MCF2L2: variants seen among roughly 807,000 people sequenced by gnomAD.
MCF2L2 encodes MCF.2 cell line derived transforming sequence-like 2, also known as probable guanine nucleotide exchange factor MCF2L2.
A neutral mutation model predicts 150.2 loss-of-function variants in MCF2L2; 102 were observed. The ratio of observed to expected loss-of-function variants is 0.68; its 90% confidence interval spans 0.58 to 0.80. MCF2L2 has a LOEUF of 0.80. MCF2L2 is among the 30% of genes least tolerant of loss of function. The pLI is 0.00. For synonymous variants in MCF2L2, 465 were observed against 491.3 expected (o/e 0.95, Z 0.71); for missense variants, 1,256 against 1,372.8 (o/e 0.91, Z 1.34).
At chr3:183,243,315 C>G (rs905597880) in intron 15 of MCF2L2, among the ~76,000 whole-genome samples, 1 of 152,138 alleles carries the variant, frequency 6.6e-6, no homozygotes, top group East Asian at 1.9e-4. Flanking sequence ...CATCAGGATC[C>G]TCCCACACAT....
intron 1 of MCF2L2, among the ~76,000 whole-genome samples, chr3:183,404,945 G>A (rs1421461035): frequency 6.6e-6 from 1 of 152,042 alleles, no homozygotes; most frequent in Non-Finnish European, 1.5e-5. Flanking sequence ...AAATAACATT[G>A]GGAAACTGGG....
At chr3:183,359,764 G>A (rs1033563748) in intron 3 of MCF2L2, among the ~76,000 whole-genome samples, 3 of 152,126 alleles carry the variant, frequency 2.0e-5, no homozygotes, top group Non-Finnish European at 4.4e-5. Context: ...TGTTGTCAAC[G>A]CTTGGAACAC....
At chr3:183,240,886 C>A (rs1486680130) in intron 15 of MCF2L2, among the ~76,000 whole-genome samples, 1 of 152,236 alleles carries the variant, frequency 6.6e-6, no homozygotes, top group African/African-American at 2.4e-5. Context: ...CAGCTGAAAT[C>A]AGTACCACAC....
In MCF2L2 at chr3:183,191,550, C is replaced by A. The variant is rs185719099; in HGVS notation, c.3016+1449G>T. Among the ~76,000 whole-genome samples the A allele has an allele frequency of 2.6e-5, 4 of 152,340 alleles. No homozygotes were observed. The East Asian group carries it at 7.7e-4, about 29-fold the overall frequency. On this transcript the variant is annotated intron_variant, in intron 27 of 29. Coordinates refer to ENST00000328913, the MANE Select transcript of MCF2L2 (RefSeq NM_015078.4). ...ATATGTTTCTATTCGCCTTCCACCA[C>A]CACCGGTTTAACGCCTTTTTCATCT...
At chr3:183,327,237 A>G (rs1335821452) in intron 5 of MCF2L2, among the ~76,000 whole-genome samples, 1 of 152,160 alleles carries the variant, frequency 6.6e-6, no homozygotes, top group Non-Finnish European at 1.5e-5. Flanking sequence ...AGGCAGGAGA[A>G]TCGCTTGAAC....
intron 15 of MCF2L2, among the ~76,000 whole-genome samples, chr3:183,263,615 A>G (rs1725820937): frequency 6.6e-6 from 1 of 152,040 alleles, no homozygotes; most frequent in Admixed American, 6.5e-5. Flanking sequence ...CATTCATGAA[A>G]TTAGTCATCT....
rs535598151 is a variant in MCF2L2, at chr3:183,179,791, C to A, written c.3106-99G>T. The A allele has an allele frequency of 9.6e-7, 1 of 1,043,816 alleles. No homozygotes were observed. The highest frequency in any genetic ancestry group is 2.1e-5 in the Admixed American group (1 of 48,002). The allele number at this position is 1,043,816 out of a possible 1,614,324, so 64.7% of individuals were successfully genotyped here. On this transcript the variant is annotated intron_variant, in intron 28 of 29. Transcript: ENST00000328913. This position sits in a 1 kb window ranked among gnomAD's most constrained non-coding sequence, Gnocchi z 4.2. Reference sequence around the variant, plus strand: ...TCCCGCTGGCAGGCTGAGGCCCACCCCAGCCCTCCCACCTGGGCCACGGGG... The same window carrying A: ...TCCCGCTGGCAGGCTGAGGCCCACCACAGCCCTCCCACCTGGGCCACGGGG...
At chr3:183,419,769 A>G (rs1005719579) in intron 1 of MCF2L2, among the ~76,000 whole-genome samples, 1 of 152,202 alleles carries the variant, frequency 6.6e-6, no homozygotes, top group African/African-American at 2.4e-5. Flanking sequence ...GCTACTCGGG[A>G]GGCTGAAACA....
At chr3:183,191,202 G>A (rs1043459547) in intron 27 of MCF2L2, among the ~76,000 whole-genome samples, 65 of 152,122 alleles carry the variant, frequency 4.3e-4, no homozygotes, top group Non-Finnish European at 5.3e-4. Context: ...AGCAGTTTTA[G>A]GTTCACAGAA....
intron 3 of MCF2L2, among the ~76,000 whole-genome samples, chr3:183,346,518 T>C (rs1410018262): frequency 6.6e-6 from 1 of 152,168 alleles, no homozygotes; most frequent in Non-Finnish European, 1.5e-5. Flanking sequence ...GGATGCCCTC[T>C]CTCACCACTC....
chr3:183,343,683 G>C (rs1011814775), intron 3 of MCF2L2, among the ~76,000 whole-genome samples: 3 of 152,076 alleles, frequency 2.0e-5, no homozygotes, highest in Admixed American at 6.6e-5. Flanking sequence ...ATAGCAACTT[G>C]AATCTGCAAG....
Position 183,338,863 on chromosome 3 carries a change from G to A in MCF2L2, c.423C>T (p.Ile141=). The change falls in exon 5 of 30, where the codon ATC becomes ATT. Residue 141 remains isoleucine, a synonymous_variant. Transcript: ENST00000328913. ...TGCCAATGTCAGTGAATGTCCTCTG[G>A]ATAAAGCGAGATGGACGAAGGATGA... The part of the protein sequence containing the change: ...LIFILRPSRF[I]QRTFTDIGIK... 2 of 1,608,074 alleles carry A rather than the reference G, an allele frequency of 1.2e-6. No homozygotes were observed. The highest frequency in any genetic ancestry group is 2.2e-5 in the South Asian group (2 of 90,548).
chr3:183,196,157 T>C (rs1983421), intron 25 of MCF2L2, among the ~76,000 whole-genome samples: 88,402 of 151,894 alleles, frequency 0.58, 25,967 homozygotes, highest in East Asian at 0.67. Flanking sequence ...CCATCAGTGA[T>C]GCTCTTCTCT....
intron 5 of MCF2L2, among the ~76,000 whole-genome samples, chr3:183,336,027 C>T (rs1021195654): frequency 3.3e-5 from 5 of 152,246 alleles, no homozygotes; most frequent in African/African-American, 1.2e-4. Flanking sequence ...AGACACCAAA[C>T]TTGGTGGCAC....
At chr3:183,238,758 G>A (rs1207735582) in intron 15 of MCF2L2, among the ~76,000 whole-genome samples, 1 of 151,188 alleles carries the variant, frequency 6.6e-6, no homozygotes, top group African/African-American at 2.4e-5. Flanking sequence ...AGCACTTTGG[G>A]AGGCCGAGGC....
chr3:183,364,275 G>A (rs1189754901), intron 3 of MCF2L2, among the ~76,000 whole-genome samples: 2 of 152,120 alleles, frequency 1.3e-5, no homozygotes, highest in Admixed American at 6.6e-5. Context: ...CCAGCACTTT[G>A]GGAGGGCGAG....
At chr3:183,341,501 A>T in intron 4 of MCF2L2, 39 bp downstream of exon 4, 1 of 1,458,614 alleles carries the variant, frequency 6.9e-7, no homozygotes, top group African/African-American at 1.4e-5. Context: ...AGACAATTTA[A>T]ATGACTTTTA....
At position 183,372,838 on chromosome 3, in the gene MCF2L2, C is replaced by T. The variant is rs193261003; in HGVS notation, c.275+6459G>A. On this transcript the variant is annotated intron_variant, in intron 3 of 29. Transcript: ENST00000328913. ...AGAACTGGAAGTTAAAATAAGGAAA[C>T]TAAGTAGAGAAACACAGTGATAAAT... 2.3e-4 allele frequency: 35 copies of T among 152,292 alleles called. No homozygotes were observed. In the East Asian group the frequency reaches 6.0e-3, roughly 26 times the overall value. The allele number at this position is 152,292 out of a possible 1,614,324, so 9.4% of individuals were successfully genotyped here.
intron 3 of MCF2L2, among the ~76,000 whole-genome samples, chr3:183,358,389 A>G (rs896525605): frequency 6.6e-6 from 1 of 152,166 alleles, no homozygotes; most frequent in Non-Finnish European, 1.5e-5. Context: ...AGAAAGATAA[A>G]CTGTTGATGC....
Sources: allele counts gnomAD v4.1 joint callset (sites outside exome capture counted in the v4.1 genomes callset), GRCh38; gene constraint gnomAD v4.1.1; non-coding constraint Gnocchi (gnomAD v3.1); transcripts MANE v1.5; gene names NCBI Gene and HGNC (gene_info 2026-07-23, HGNC 2026-07-21).